ZBTB20: variants seen among roughly 807,000 people sequenced by gnomAD.
ZBTB20 encodes the protein zinc finger and BTB domain containing 20.
ZBTB20 carries 9 observed loss-of-function variants against 56.9 expected under a neutral mutation model. The observed-to-expected ratio is 0.16, with a 90% CI of 0.10 to 0.28. The LOEUF (loss-of-function observed/expected upper bound fraction) is 0.28. ZBTB20 is among the 10% of genes least tolerant of loss of function. The pLI, the probability that ZBTB20 is intolerant of heterozygous loss-of-function variation, is 1.00. For missense variants in ZBTB20, 655 were observed against 1,003.0 expected (o/e 0.65, Z 4.69); for synonymous variants, 417 against 420.7 (o/e 0.99, Z 0.11).
chr3:114,887,312 C>A (rs1297218730), intron 4 of ZBTB20, among the ~76,000 whole-genome samples: 1 of 151,990 alleles, frequency 6.6e-6, no homozygotes, highest in Non-Finnish European at 1.5e-5. Flanking sequence ...ATATTTACTA[C>A]CAAAAAATAA....
chr3:114,572,163 T>C (rs1559976766), intron 6 of ZBTB20, among the ~76,000 whole-genome samples: 1 of 152,194 alleles, frequency 6.6e-6, no homozygotes, highest in Non-Finnish European at 1.5e-5. Flanking sequence ...GCCACAATAA[T>C]AACTGAAAGA....
At chr3:114,380,596 T>C (rs1440277719) in intron 9 of ZBTB20, among the ~76,000 whole-genome samples, 181 bp downstream of exon 9, 1 of 152,022 alleles carries the variant, frequency 6.6e-6, no homozygotes, top group African/African-American at 2.4e-5. Flanking sequence ...TGGGAACACA[T>C]GAAAGCATAT....
At chr3:114,556,867 A>T (rs530856147) in intron 6 of ZBTB20, among the ~76,000 whole-genome samples, 9 of 152,230 alleles carry the variant, frequency 5.9e-5, no homozygotes, top group African/African-American at 1.9e-4. Context: ...GAGGATGCAG[A>T]AATCTTTTTG....
chr3:115,018,280 T>TA (rs35969429), intron 2 of ZBTB20, among the ~76,000 whole-genome samples: 6,491 of 143,206 alleles, frequency 0.045, 459 homozygotes, highest in African/African-American at 0.16. Flanking sequence ...ATCCTTTAAA[T>TA]AAAAAAAAAA....
chr3:114,653,468 C>G (rs1489773830), intron 6 of ZBTB20, among the ~76,000 whole-genome samples: 1 of 151,860 alleles, frequency 6.6e-6, no homozygotes, highest in East Asian at 1.9e-4. Flanking sequence ...TGAGATAAAT[C>G]CTACTTGATC....
At chr3:114,907,029 G>A (rs890634966) in intron 3 of ZBTB20, among the ~76,000 whole-genome samples, 1 of 151,708 alleles carries the variant, frequency 6.6e-6, no homozygotes, top group Non-Finnish European at 1.5e-5. Flanking sequence ...CATTAAACAC[G>A]TATTAGAGAT....
intron 3 of ZBTB20, among the ~76,000 whole-genome samples, chr3:114,906,272 C>T (rs2075313887): frequency 1.3e-5 from 2 of 151,738 alleles, no homozygotes; most frequent in East Asian, 3.9e-4. Flanking sequence ...TTAACAGCTA[C>T]CCCTAAAAAG....
At chr3:114,341,747 T>C (rs2079786540) in intron 11 of ZBTB20, among the ~76,000 whole-genome samples, 1 of 152,206 alleles carries the variant, frequency 6.6e-6, no homozygotes, top group Non-Finnish European at 1.5e-5. Flanking sequence ...AGTGTTTTCA[T>C]TTCTCTGGGT....
intron 5 of ZBTB20, chr3:114,759,083 C>T (rs548820065): frequency 8.5e-5 from 13 of 152,274 alleles, no homozygotes; most frequent in Admixed American, 2.0e-4. Context: ...TTCTAACTTG[C>T]ATATTCAATA....
At chr3:114,970,074 T>C (rs1324622366) in intron 3 of ZBTB20, among the ~76,000 whole-genome samples, 1 of 152,252 alleles carries the variant, frequency 6.6e-6, no homozygotes, top group African/African-American at 2.4e-5. Flanking sequence ...AGCCCACACA[T>C]ACTGGGCTCT....
chr3:115,037,747 T>C (rs1348695804), intron 2 of ZBTB20, among the ~76,000 whole-genome samples: 1 of 152,110 alleles, frequency 6.6e-6, no homozygotes, highest in Non-Finnish European at 1.5e-5. Flanking sequence ...TATAAATACA[T>C]TGGAAGAATT....
intron 7 of ZBTB20, among the ~76,000 whole-genome samples, chr3:114,416,424 C>T (rs1448872641): frequency 1.3e-5 from 2 of 151,282 alleles, no homozygotes; most frequent in African/African-American, 4.9e-5. Context: ...CATAAATATT[C>T]TCTGACATTT....
intron 3 of ZBTB20, among the ~76,000 whole-genome samples, chr3:114,967,120 T>A (rs2077679434): frequency 6.6e-6 from 1 of 152,224 alleles, no homozygotes; most frequent in South Asian, 2.1e-4. Context: ...ATTATTCAGA[T>A]GTTTTTAAGT....
chr3:114,396,121 C>G (rs908598709), intron 7 of ZBTB20, among the ~76,000 whole-genome samples: 5 of 152,146 alleles, frequency 3.3e-5, no homozygotes, highest in Non-Finnish European at 7.4e-5. Flanking sequence ...ATCCAGAAAG[C>G]CTGCCACAGG....
chr3:114,461,579 A>T (rs2092332792), intron 7 of ZBTB20, among the ~76,000 whole-genome samples: 1 of 152,210 alleles, frequency 6.6e-6, no homozygotes, highest in Non-Finnish European at 1.5e-5. Flanking sequence ...GTGCTGGATT[A>T]CAGGTGTGAG....
At chr3:114,593,446 G>T (rs1015024379) in intron 6 of ZBTB20, among the ~76,000 whole-genome samples, 1 of 149,866 alleles carries the variant, frequency 6.7e-6, no homozygotes, top group Non-Finnish European at 1.5e-5. Flanking sequence ...GTGCAATGGC[G>T]TGATCTCGGC....
chr3:114,488,488 T>A (rs181264221), intron 7 of ZBTB20, among the ~76,000 whole-genome samples: 1 of 152,340 alleles, frequency 6.6e-6, no homozygotes, highest in Non-Finnish European at 1.5e-5. Flanking sequence ...ATGTATTTTT[T>A]AAAAAGTTTT....
At chr3:114,802,723 T>A (rs2071805964) in intron 4 of ZBTB20, among the ~76,000 whole-genome samples, 1 of 151,862 alleles carries the variant, frequency 6.6e-6, no homozygotes, top group Non-Finnish European at 1.5e-5. Flanking sequence ...TGAATAACAA[T>A]AATCTCTGAA....
At chr3:115,100,475 G>C (rs2083550171) in intron 1 of ZBTB20, 1 of 152,112 alleles carries the variant, frequency 6.6e-6, no homozygotes, top group Admixed American at 6.6e-5. Context: ...AGAGAGAAAG[G>C]CACAGACAAA....
Sources: gnomAD v4.1 joint callset for allele counts (sites outside exome capture counted in the v4.1 genomes callset) on GRCh38, gnomAD v4.1.1 for gene constraint, MANE v1.5 for transcripts, NCBI Gene and HGNC (gene_info 2026-07-23, HGNC 2026-07-21) for gene names.